Variants in SENP6 observed in about 807,000 individuals in gnomAD.
SENP6 encodes the protein sentrin-specific protease 6.
A neutral mutation model predicts 134.5 loss-of-function variants in SENP6; 41 were observed. That is an observed-to-expected ratio of 0.30 (90% CI 0.24 to 0.40). The LOEUF (loss-of-function observed/expected upper bound fraction) is 0.40, where lower values mean the gene tolerates loss of function less well. Among genes scored for constraint, SENP6 ranks in the 10% least tolerant of loss-of-function variants. SENP6 has a pLI of 1.00. For missense variants in SENP6, 1,248 were observed against 1,312.5 expected (o/e 0.95, Z 0.76); for synonymous variants, 395 against 429.8 (o/e 0.92, Z 1.00).
intron 1 of SENP6, among the ~76,000 whole-genome samples, chr6:75,618,240 A>C (rs192492851): frequency 6.6e-6 from 1 of 152,300 alleles, no homozygotes; most frequent in East Asian, 1.9e-4. Flanking sequence ...TGTAAGGAAC[A>C]TGTGTCCCTT....
At chr6:75,611,873 A>T (rs922757693) in intron 1 of SENP6, 1 of 152,230 alleles carries the variant, frequency 6.6e-6, no homozygotes, top group Non-Finnish European at 1.5e-5. Flanking sequence ...GCTGAAAGGT[A>T]CATAGAAGTA....
At chr6:75,633,277 C>T (rs1769248135) in intron 3 of SENP6, among the ~76,000 whole-genome samples, 1 of 152,090 alleles carries the variant, frequency 6.6e-6, no homozygotes, top group South Asian at 2.1e-4. Context: ...AGGGGAAATG[C>T]TTACTTTTTA....
At chr6:75,656,614 A>C (rs558010180) in intron 7 of SENP6, among the ~76,000 whole-genome samples, 2 of 152,200 alleles carry the variant, frequency 1.3e-5, no homozygotes, top group Non-Finnish European at 2.9e-5. Flanking sequence ...TCCCTAGAAA[A>C]TGGAATCCTA....
At chr6:75,650,825 A>AT (rs1770805136) in intron 7 of SENP6, among the ~76,000 whole-genome samples, 1 of 152,206 alleles carries the variant, frequency 6.6e-6, no homozygotes, top group South Asian at 2.1e-4. Context: ...AAACATTGAG[A>AT]TTTCAAACCA....
intron 10 of SENP6, among the ~76,000 whole-genome samples, chr6:75,667,359 T>A (rs1258662404): frequency 6.6e-6 from 1 of 152,196 alleles, no homozygotes; most frequent in African/African-American, 2.4e-5. Flanking sequence ...ACAGTGTATC[T>A]AGGACAACTA....
chr6:75,686,667 G>A (rs1351856448), intron 16 of SENP6, among the ~76,000 whole-genome samples: 1 of 152,114 alleles, frequency 6.6e-6, no homozygotes, highest in Non-Finnish European at 1.5e-5. Flanking sequence ...GCTTAGTTTG[G>A]CTAGATACGA....
intron 20 of SENP6, among the ~76,000 whole-genome samples, chr6:75,710,690 TTTA>T (rs1261580086): frequency 6.6e-6 from 1 of 152,186 alleles, no homozygotes; most frequent in Non-Finnish European, 1.5e-5. Flanking sequence ...ATGTAACTGC[TTTA>T]TTATTACTAT....
chr6:75,658,843 G>A (rs987945075), intron 7 of SENP6, among the ~76,000 whole-genome samples: 5 of 151,776 alleles, frequency 3.3e-5, no homozygotes, highest in Non-Finnish European at 5.9e-5. Flanking sequence ...GTGGTGGCAC[G>A]TACCTGTAGT....
intron 17 of SENP6, 41 bp from the exon 18 acceptor site, chr6:75,697,384 A>C: frequency 7.4e-6 from 10 of 1,344,962 alleles, no homozygotes; most frequent in African/African-American, 1.5e-5. Context: ...CTGGAGCACT[A>C]GAAATATTTC....
rs763931032 is a variant in SENP6 at position 75,633,597 on chromosome 6, A to G, written c.224A>G (p.Glu75Gly). Reference protein sequence around the residue: ...SKGKKLNRRSEIVANSSGEFI... With the variant: ...SKGKKLNRRSGIVANSSGEFI... ...TTTTTACAGTTAAATCGTCGATCTG[A>G]AATTGTTGCTAATAGCTCTGGTGAA... is the stretch of plus-strand genomic sequence containing the variant. The change falls in exon 4 of 24, where the codon GAA becomes GGA. Residue 75 changes from glutamate (E) to glycine (G), a missense_variant. Glu to Gly is a moderately conservative substitution (Grantham distance 98). Around this residue, in one of 3 missense-constraint regions of SENP6, gnomAD observed 733 missense variants for 725.4 expected, o/e 1.01. Transcript: ENST00000447266. 13 of 1,597,740 alleles carry G rather than the reference A, an allele frequency of 8.1e-6. No homozygotes were observed. The East Asian group carries it at 2.5e-4, about 30-fold the overall frequency.
At chr6:75,692,754 C>T (rs1309486697) in intron 16 of SENP6, among the ~76,000 whole-genome samples, 2 of 151,888 alleles carry the variant, frequency 1.3e-5, no homozygotes, top group South Asian at 2.1e-4. Context: ...CTCCCTCACA[C>T]CTGGCCCTGT....
In SENP6 at chr6:75,717,538, A is replaced by G. The variant is rs896321143; in HGVS notation, c.*1944A>G. ...TTTTTCCCACCCCATGTGAAATTTT[A>G]TTTTTGGAAGTTATGCTAGTGACAT... On this transcript the variant is annotated 3_prime_UTR_variant, in exon 24 of 24. Coordinates refer to ENST00000447266, the MANE Select transcript of SENP6 (RefSeq NM_015571.4). 4 of 152,032 alleles carry G rather than the reference A, an allele frequency of 2.6e-5. No homozygotes were observed. Among genetic ancestry groups the G allele is most frequent in the African/African-American group, 7.2e-5 (3 of 41,438 alleles). 9.4% of individuals were successfully genotyped at this position (152,032 alleles called of 1,614,324 possible).
intron 6 of SENP6, 57 bp from the exon 7 acceptor site, chr6:75,647,674 T>C (rs1770559358): frequency 1.6e-6 from 2 of 1,255,186 alleles, no homozygotes; most frequent in African/African-American, 3.0e-5. Context: ...CATTAACTTT[T>C]TCATTTTGAA....
intron 6 of SENP6, among the ~76,000 whole-genome samples, 172 bp downstream of exon 6, chr6:75,640,876 A>G (rs999824801): frequency 6.6e-6 from 1 of 152,196 alleles, no homozygotes; most frequent in South Asian, 2.1e-4. Flanking sequence ...ACAGAGTAAT[A>G]TATCAATACA....
At chr6:75,694,079 A>G (rs1203414751) in intron 16 of SENP6, among the ~76,000 whole-genome samples, 1 of 152,148 alleles carries the variant, frequency 6.6e-6, no homozygotes, top group African/African-American at 2.4e-5. Flanking sequence ...CAACATGGAG[A>G]AACCCCGTCT....
At chr6:75,653,815 A>G in intron 7 of SENP6, among the ~76,000 whole-genome samples, 1 of 152,238 alleles carries the variant, frequency 6.6e-6, no homozygotes, top group East Asian at 1.9e-4. Context: ...ATAGACTACA[A>G]ACTTGTAAAC....
intron 10 of SENP6, among the ~76,000 whole-genome samples, chr6:75,670,180 C>T (rs1176454660): frequency 6.6e-6 from 1 of 152,146 alleles, no homozygotes; most frequent in Admixed American, 6.6e-5. Flanking sequence ...CTCCTGACCT[C>T]AGATGATCCG....
At chr6:75,672,850 CAG>C (rs1772784197) in intron 11 of SENP6, among the ~76,000 whole-genome samples, 2 of 152,004 alleles carry the variant, frequency 1.3e-5, no homozygotes, top group African/African-American at 4.8e-5. Flanking sequence ...TGTTTTGAGA[CAG>C]AGTCTCACTC....
intron 10 of SENP6, among the ~76,000 whole-genome samples, chr6:75,667,240 T>A (rs945173453): frequency 2.0e-5 from 3 of 152,234 alleles, no homozygotes; most frequent in African/African-American, 7.2e-5. Context: ...GAAGTCATTT[T>A]GACAGAGATA....
Sources: gnomAD v4.1 joint callset for allele counts (sites outside exome capture counted in the v4.1 genomes callset) on GRCh38, gnomAD v4.1.1 for gene constraint, gnomAD v4.1.1 regional missense constraint, MANE v1.5 for transcripts, NCBI Gene and HGNC (gene_info 2026-07-23, HGNC 2026-07-21) for gene names.